Variants in ANKFN1 observed in about 807,000 individuals in gnomAD.
The protein encoded by ANKFN1 is ankyrin repeat and fibronectin type-III domain-containing protein 1.
ANKFN1 carries 74 observed loss-of-function variants against 108.7 expected under a neutral mutation model. That is an observed-to-expected ratio of 0.68 (90% CI 0.56 to 0.83). ANKFN1 has a LOEUF of 0.83. Ranked by LOEUF, ANKFN1 falls within the 40% of genes least tolerant of loss-of-function variation. ANKFN1 has a pLI of 0.00. For missense variants in ANKFN1, 1,505 were observed against 1,382.3 expected (o/e 1.09, Z -1.41); for synonymous variants, 547 against 516.2 (o/e 1.06, Z -0.81).
At position 56,492,397 on chromosome 17, in the gene ANKFN1, C is replaced by T; in HGVS notation, c.2427+44C>T. The T allele has an allele frequency of 4.3e-6, 3 of 691,130 alleles. No individual in the cohort carries two copies. The South Asian group carries it at 4.5e-5, about 10-fold the overall frequency. The allele number at this position is 691,130 out of a possible 1,614,324, so 42.8% of individuals were successfully genotyped here. A position where few individuals can be genotyped will look rare whatever the true frequency, so the allele number is the denominator to read the frequency against. ...TGGGGTAAAAGGAAGGGAGAAGAGG[C>T]AGGGTGGAAAGGGTGAAAAGCCAAG... is the stretch of plus-strand genomic sequence containing the variant. On this transcript the variant is annotated intron_variant, in intron 19 of 20. Transcript: ENST00000682825.
At chr17:56,080,971 T>C (rs1419084583) in intron 4 of ANKFN1, among the ~76,000 whole-genome samples, 2 of 152,170 alleles carry the variant, frequency 1.3e-5, no homozygotes, top group Non-Finnish European at 2.9e-5. Context: ...GCCTCCTCCA[T>C]GTTCAAAGCC....
Position 56,477,895 on chromosome 17 carries a change from T to C in ANKFN1, c.1940+241T>C, listed in dbSNP as rs908085243. 8.5e-5 allele frequency among the ~76,000 whole-genome samples: 13 copies of C among 152,262 alleles called. 1 individual carries two copies. Among genetic ancestry groups the C allele is most frequent in the Admixed American group, 3.9e-4 (6 of 15,280 alleles). ...CAGGCTGGAGTACAATGGCGCAATA[T>C]CAGCTCACTGCAACCTCTGCTTCCC... On this transcript the variant is annotated intron_variant, in intron 16 of 20. Coordinates refer to ENST00000682825, the MANE Select transcript of ANKFN1 (RefSeq NM_001370326.1).
At chr17:56,190,899 G>A (rs1341069364) in intron 1 of ANKFN1, among the ~76,000 whole-genome samples, 1 of 56,342 alleles carries the variant, frequency 1.8e-5, no homozygotes, top group Non-Finnish European at 2.9e-5. Flanking sequence ...GGGTGCTCCT[G>A]TATTGGGTGC....
At chr17:56,062,499 C>G (rs1050265399) in intron 4 of ANKFN1, among the ~76,000 whole-genome samples, 4 of 149,624 alleles carry the variant, frequency 2.7e-5, no homozygotes, top group Non-Finnish European at 5.9e-5. Flanking sequence ...CCTTCTTTGT[C>G]TTTTCTGATC....
At chr17:56,383,090 A>C (rs2047154440) in intron 8 of ANKFN1, among the ~76,000 whole-genome samples, 1 of 152,150 alleles carries the variant, frequency 6.6e-6, no homozygotes, top group Non-Finnish European at 1.5e-5. Flanking sequence ...TAAAGCCCTC[A>C]TCAGCAAATG....
upstream of ANKFN1, among the ~76,000 whole-genome samples, chr17:56,149,239 G>T (rs540258257): frequency 2.6e-4 from 39 of 152,154 alleles, no homozygotes; most frequent in Non-Finnish European, 5.3e-4. Flanking sequence ...TGGGGCAAGT[G>T]GGGAGAGACT....
chr17:56,215,930 A>G (rs1915393811), intron 2 of ANKFN1: 1 of 152,442 alleles, frequency 6.6e-6, no homozygotes, highest in African/African-American at 2.4e-5. Context: ...ACTCTATTGA[A>G]TAGCCATGAC....
intron 4 of ANKFN1, among the ~76,000 whole-genome samples, chr17:56,048,534 T>A (rs573411897): frequency 6.6e-6 from 1 of 152,314 alleles, no homozygotes; most frequent in South Asian, 2.1e-4. Context: ...CCCCCTTTTT[T>A]AAAACTTGCT....
chr17:56,144,124 C>T (rs1908093703), intron 4 of ANKFN1, among the ~76,000 whole-genome samples: 1 of 125,058 alleles, frequency 8.0e-6, no homozygotes, highest in African/African-American at 3.1e-5. Flanking sequence ...TCCAGCCTAG[C>T]ACAAGTGCCT....
intron 8 of ANKFN1, among the ~76,000 whole-genome samples, chr17:56,437,507 T>A (rs935972626): frequency 6.6e-6 from 1 of 152,188 alleles, no homozygotes; most frequent in Non-Finnish European, 1.5e-5. Flanking sequence ...ACCAAAGATA[T>A]TTTTGTTTCC....
intron 6 of ANKFN1, among the ~76,000 whole-genome samples, chr17:56,366,710 A>G (rs991616956): frequency 6.6e-6 from 1 of 152,254 alleles, no homozygotes; most frequent in Non-Finnish European, 1.5e-5. Context: ...GTACAGGTGT[A>G]TAACCTAGAA....
intron 6 of ANKFN1, among the ~76,000 whole-genome samples, chr17:56,355,328 GAATGA>G (rs1165313511): frequency 6.6e-5 from 10 of 152,136 alleles, no homozygotes; most frequent in African/African-American, 1.4e-4. Context: ...AGATATGAAG[GAATGA>G]ACTATGAGAA....
At chr17:56,189,214 A>G (rs1598205669) in intron 1 of ANKFN1, among the ~76,000 whole-genome samples, 1 of 103,242 alleles carries the variant, frequency 9.7e-6, no homozygotes, top group Non-Finnish European at 1.7e-5. Flanking sequence ...TCTGTCGCCC[A>G]GGCTGGAGTG....
At chr17:56,220,855 G>A (rs1275424704) in intron 2 of ANKFN1, among the ~76,000 whole-genome samples, 1 of 56,500 alleles carries the variant, frequency 1.8e-5, no homozygotes, top group African/African-American at 1.7e-4. Context: ...AGGGAGGAAG[G>A]AAGGAAGGAA....
At chr17:56,241,715 A>G (rs182387073) in intron 3 of ANKFN1, among the ~76,000 whole-genome samples, 1 of 152,154 alleles carries the variant, frequency 6.6e-6, no homozygotes, top group Non-Finnish European at 1.5e-5. Context: ...ACTTAGGTAC[A>G]GTAAGAGATT....
chr17:56,326,692 T>G (rs1014001650), intron 4 of ANKFN1, among the ~76,000 whole-genome samples: 1 of 152,212 alleles, frequency 6.6e-6, no homozygotes, highest in Non-Finnish European at 1.5e-5. Context: ...TGTTTTGTTG[T>G]ATAAAATCAT....
At chr17:56,310,081 C>T (rs1250261788) in intron 3 of ANKFN1, among the ~76,000 whole-genome samples, 4 of 152,090 alleles carry the variant, frequency 2.6e-5, no homozygotes, top group Non-Finnish European at 5.9e-5. Context: ...AAATCAATGA[C>T]TAGGGGCGTG....
chr17:56,153,090 C>A (rs1908764494), upstream of ANKFN1, among the ~76,000 whole-genome samples: 3 of 152,132 alleles, frequency 2.0e-5, no homozygotes, highest in Admixed American at 2.0e-4. Flanking sequence ...CCCCTTTCAA[C>A]CTTTCCTCTC....
At chr17:56,159,033 C>CAAAAAAAAAAAAAAAA (rs57878541) in intron 1 of ANKFN1, among the ~76,000 whole-genome samples, 1 of 71,012 alleles carries the variant, frequency 1.4e-5, no homozygotes, top group Admixed American at 2.0e-4. Flanking sequence ...TGGTCTAGGC[C>CAAAAAAAAAAAAAAAA]AAAAAAAAAA....
Sources: allele counts gnomAD v4.1 joint callset (sites outside exome capture counted in the v4.1 genomes callset), GRCh38; gene constraint gnomAD v4.1.1; transcripts MANE v1.5; gene names NCBI Gene and HGNC (gene_info 2026-07-23, HGNC 2026-07-21).